Variants in SPIRE1 observed in about 807,000 individuals in gnomAD.
The protein encoded by SPIRE1 is spire type actin nucleation factor 1.
In SPIRE1, 40 loss-of-function variants were observed where a neutral mutation model predicts 94.1. That is an observed-to-expected ratio of 0.43 (90% CI 0.33 to 0.55). SPIRE1 has a LOEUF of 0.55. Among genes scored for constraint, SPIRE1 ranks in the 20% least tolerant of loss-of-function variants. The pLI is 0.06. For synonymous variants in SPIRE1, 376 were observed against 371.7 expected, an observed-to-expected ratio of 1.01 and a Z score of -0.13; for missense variants, 838 against 975.2, an observed-to-expected ratio of 0.86 and a Z score of 1.87.
chr18:12,547,320 C>T (rs368116865), intron 2 of SPIRE1, among the ~76,000 whole-genome samples: 4 of 152,180 alleles, frequency 2.6e-5, no homozygotes, highest in African/African-American at 9.7e-5. Flanking sequence ...TTCTCTAGTT[C>T]CATTCAATCA....
intron 2 of SPIRE1, chr18:12,588,553 G>C (rs1027222645): frequency 1.3e-5 from 2 of 149,340 alleles, no homozygotes; most frequent in African/African-American, 4.9e-5. Flanking sequence ...TTCTGTACTG[G>C]AAAATTACTG....
chr18:12,485,865 T>C, intron 9 of SPIRE1, 94 bp downstream of exon 9: 1 of 977,086 alleles, frequency 1.0e-6, no homozygotes. Flanking sequence ...TCAATTTTCT[T>C]TTTTAACATG....
intron 2 of SPIRE1, among the ~76,000 whole-genome samples, chr18:12,608,157 C>A (rs1425177413): frequency 4.3e-4 from 56 of 129,038 alleles, no homozygotes; most frequent in Admixed American, 3.9e-4. Context: ...GACTCCATCT[C>A]AAAAAAAAAA....
intron 10 of SPIRE1, among the ~76,000 whole-genome samples, chr18:12,465,808 A>G (rs969693018): frequency 3.3e-5 from 5 of 152,196 alleles, no homozygotes; most frequent in African/African-American, 1.2e-4. Flanking sequence ...ATTGTGGGCC[A>G]GGTACGGTGG....
At chr18:12,614,360 A>T (rs2144700471) in intron 2 of SPIRE1, among the ~76,000 whole-genome samples, 1 of 152,326 alleles carries the variant, frequency 6.6e-6, no homozygotes. Flanking sequence ...AAAATTTCAA[A>T]TTATGTCTAT....
At chr18:12,593,324 C>T (rs1392824305) in intron 2 of SPIRE1, among the ~76,000 whole-genome samples, 1 of 152,200 alleles carries the variant, frequency 6.6e-6, no homozygotes, top group Non-Finnish European at 1.5e-5. Context: ...CAGACCAATT[C>T]ATTTGATAAT....
intron 2 of SPIRE1, among the ~76,000 whole-genome samples, chr18:12,604,210 T>C (rs953548967): frequency 1.1e-4 from 17 of 152,138 alleles, no homozygotes; most frequent in African/African-American, 3.4e-4. Context: ...GAAGCATAGG[T>C]GAGAACCTAT....
chr18:12,645,207 T>C (rs775352019), intron 1 of SPIRE1, among the ~76,000 whole-genome samples: 1 of 152,192 alleles, frequency 6.6e-6, no homozygotes, highest in South Asian at 2.1e-4. Flanking sequence ...GAATTGAAAC[T>C]GCATCTTCTG....
rs149450365 is a variant in SPIRE1 at position 12,454,363 on chromosome 18, C to T, written c.1759G>A (p.Ala587Thr). ...KYQQYKDIYT[A>T]LKKGKLCFCC... ...AGCACTACCTTTCCTTTTTTCAAGG[C>T]GGTGTAGATGTCTTTATACTGTTGG... The change falls in exon 13 of 17, where the codon GCC becomes ACC. Residue 587 changes from alanine to threonine, a missense_variant. Ala to Thr is a moderately conservative substitution (Grantham distance 58, BLOSUM62 0). Transcript: ENST00000409402. The T allele has an allele frequency of 2.5e-6, 4 of 1,613,818 alleles. No homozygotes were observed. The highest frequency in any genetic ancestry group is 2.2e-5 in the East Asian group (1 of 44,886).
intron 5 of SPIRE1, 148 bp from the exon 6 acceptor site, chr18:12,506,789 C>T: frequency 1.3e-6 from 1 of 794,288 alleles, no homozygotes; most frequent in Non-Finnish European, 2.0e-6. Flanking sequence ...ATTTTGGGTA[C>T]TAAAAGATGG....
At chr18:12,481,658 A>G (rs1343795400) in intron 9 of SPIRE1, among the ~76,000 whole-genome samples, 1 of 152,140 alleles carries the variant, frequency 6.6e-6, no homozygotes, top group Non-Finnish European at 1.5e-5. Flanking sequence ...CATTTCTTTT[A>G]CTGTTACCTT....
chr18:12,460,819 A>C (rs560104621), intron 12 of SPIRE1, among the ~76,000 whole-genome samples: 1 of 152,338 alleles, frequency 6.6e-6, no homozygotes, highest in Non-Finnish European at 1.5e-5. Flanking sequence ...TACATTTAAA[A>C]ATTAATTACA....
chr18:12,518,723 A>C (rs1048018784), intron 4 of SPIRE1, among the ~76,000 whole-genome samples: 4 of 152,118 alleles, frequency 2.6e-5, no homozygotes, highest in Admixed American at 1.3e-4. Flanking sequence ...CAAAACAAAA[A>C]AAAACAAAGA....
Position 12,447,211 on chromosome 18 carries a change from C to T in SPIRE1, c.*2427G>A, listed in dbSNP as rs2030976992. On this transcript the variant is annotated 3_prime_UTR_variant, in exon 17 of 17. Transcript: ENST00000409402. Reference sequence around the variant, plus strand: ...AGGGATGATGGTTCAGATACGCACACATGCTCTAAGACACATCAGACTCTA... The same window carrying T: ...AGGGATGATGGTTCAGATACGCACATATGCTCTAAGACACATCAGACTCTA... 6.6e-6 allele frequency: 1 copy of T among 152,164 alleles called. No homozygotes were observed. Among genetic ancestry groups the T allele is most frequent in the South Asian group, 2.1e-4 (1 of 4,826 alleles). The allele number at this position is 152,164 out of a possible 1,614,324, so 9.4% of individuals were successfully genotyped here.
At chr18:12,493,801 C>T (rs559613216) in intron 7 of SPIRE1, among the ~76,000 whole-genome samples, 43 of 152,312 alleles carry the variant, frequency 2.8e-4, no homozygotes, top group Non-Finnish European at 5.1e-4. Flanking sequence ...GCTTGCTCAA[C>T]TAATTTTAAG....
chr18:12,526,858 T>A (rs2034537928), intron 4 of SPIRE1, among the ~76,000 whole-genome samples: 1 of 151,940 alleles, frequency 6.6e-6, no homozygotes, highest in Non-Finnish European at 1.5e-5. Flanking sequence ...TACAAGCACA[T>A]GCCACCACGC....
Position 12,447,520 on chromosome 18 carries a change from C to T in SPIRE1, c.*2118G>A, listed in dbSNP as rs1568173947. On this transcript the variant is annotated 3_prime_UTR_variant, in exon 17 of 17. Coordinates refer to ENST00000409402, the MANE Select transcript of SPIRE1 (RefSeq NM_001128626.2). ...CTACAACTTTAACTGTGCCATGTGC[C>T]CTTTCTTACCCCACTTTCTGCAGAT... The T allele has an allele frequency of 1.3e-5, 2 of 152,132 alleles. No homozygotes were observed. The highest frequency in any genetic ancestry group is 2.9e-5 in the Non-Finnish European group (2 of 68,012). The allele number at this position is 152,132 out of a possible 1,614,324, so 9.4% of individuals were successfully genotyped here.
chr18:12,470,862 C>G (rs970296951), intron 10 of SPIRE1, among the ~76,000 whole-genome samples: 13 of 152,016 alleles, frequency 8.6e-5, no homozygotes, highest in African/African-American at 3.1e-4. Context: ...TAGGGCTTCT[C>G]TAGCTCAGAA....
At chr18:12,489,844 G>A (rs1193286432) in intron 8 of SPIRE1, among the ~76,000 whole-genome samples, 1 of 152,198 alleles carries the variant, frequency 6.6e-6, no homozygotes, top group African/African-American at 2.4e-5. Flanking sequence ...CACAGTGGAT[G>A]CCTCCGGCTG....
Sources: allele counts gnomAD v4.1 joint callset (sites outside exome capture counted in the v4.1 genomes callset), GRCh38; gene constraint gnomAD v4.1.1; transcripts MANE v1.5; gene names NCBI Gene and HGNC (gene_info 2026-07-23, HGNC 2026-07-21).